NPHP4: variants seen among roughly 807,000 people sequenced by gnomAD.
NPHP4 encodes the protein nephrocystin 4.
NPHP4 carries 151 observed loss-of-function variants against 155.8 expected under a neutral mutation model. The ratio of observed to expected loss-of-function variants is 0.97; its 90% confidence interval spans 0.85 to 1.11. The LOEUF (loss-of-function observed/expected upper bound fraction) is 1.11, where lower values mean the gene tolerates loss of function less well. Among genes scored for constraint, NPHP4 ranks in the 50% least tolerant of loss-of-function variants. The probability of loss-of-function intolerance (pLI) is 0.00; values close to 1 mark genes in which losing one functional copy is unlikely to be tolerated. For synonymous variants in NPHP4, 845 were observed against 816.8 expected (o/e 1.03, Z -0.59); for missense variants, 1,956 against 1,925.7 (o/e 1.02, Z -0.29).
At position 5,952,758 on chromosome 1, in the gene NPHP4, G is replaced by A; in HGVS notation, c.752C>T (p.Ser251Phe). ...CAGCTCTTCCTCAAACTTCTCCAGG[G>A]AGGGGTACAGGGTGAAGAATAAGTC... is the stretch of plus-strand genomic sequence containing the variant. Reference protein sequence around the residue: ...LDDLFFTLYPSLEKFEEELLE... With the variant: ...LDDLFFTLYPFLEKFEEELLE... Residue 251 changes from serine to phenylalanine, a missense_variant, in exon 7 of 30, where the codon TCC (serine) becomes TTC (phenylalanine). Ser to Phe is a radical substitution (Grantham distance 155, BLOSUM62 -2). Coordinates refer to ENST00000378156, the MANE Select transcript of NPHP4 (RefSeq NM_015102.5). The A allele has an allele frequency of 1.3e-6, 2 of 1,576,034 alleles. No individual in the cohort carries two copies. The highest frequency in any genetic ancestry group is 1.7e-6 in the Non-Finnish European group (2 of 1,160,528).
chr1:5,955,277 C>G (rs897691608), intron 6 of NPHP4, among the ~76,000 whole-genome samples: 1 of 152,150 alleles, frequency 6.6e-6, no homozygotes, highest in Admixed American at 6.5e-5. Flanking sequence ...CTATACAATA[C>G]GGGTGGGACT....
chr1:5,985,304 G>A (rs1655305755), intron 2 of NPHP4, among the ~76,000 whole-genome samples: 1 of 152,234 alleles, frequency 6.6e-6, no homozygotes, highest in African/African-American at 2.4e-5. Context: ...CCGGCCACTG[G>A]GCCTCACGAG....
intron 18 of NPHP4, 166 bp downstream of exon 18, chr1:5,887,120 C>T: frequency 3.1e-6 from 2 of 650,516 alleles, no homozygotes; most frequent in Non-Finnish European, 5.3e-6. Context: ...CCAGGACAGA[C>T]TCAGCGGCCA....
At position 5,909,133 on chromosome 1, in the gene NPHP4, G is replaced by A. The variant is rs368115025; in HGVS notation, c.1503+19C>T. On this transcript the variant is annotated intron_variant, in intron 12 of 29. Coordinates refer to ENST00000378156, the MANE Select transcript of NPHP4 (RefSeq NM_015102.5). ...TGACTCTGGAATTCTGAAGGAGGCC[G>A]TGGGGGGCCTGGACTTACCCCTGGT... 142 of 1,577,046 alleles carry A rather than the reference G, an allele frequency of 9.0e-5. 1 individual carries two copies. The East Asian group carries it at 9.6e-4, about 11-fold the overall frequency.
At chr1:5,961,186 G>A (rs546229244) in intron 6 of NPHP4, among the ~76,000 whole-genome samples, 2 of 152,300 alleles carry the variant, frequency 1.3e-5, no homozygotes, top group African/African-American at 2.4e-5. Context: ...AGTCCTATGA[G>A]GTCCCTAGAG....
At chr1:5,925,769 C>T (rs1360633973) in intron 11 of NPHP4, among the ~76,000 whole-genome samples, 1 of 152,148 alleles carries the variant, frequency 6.6e-6, no homozygotes, top group African/African-American at 2.4e-5. Context: ...GCGCCCGCCA[C>T]CACATCCAGC....
rs116416223 is a variant in NPHP4 at position 5,977,231 on chromosome 1, T to C, written c.279+1039A>G. On this transcript the variant is annotated intron_variant, in intron 3 of 29. Coordinates refer to ENST00000378156, the MANE Select transcript of NPHP4 (RefSeq NM_015102.5). Reference sequence around the variant, plus strand: ...CGTCAGCGTCCCTAAGAAGACCCTGTAGGACCCAGCCAGAAGGCACGACGG... The same window carrying C: ...CGTCAGCGTCCCTAAGAAGACCCTGCAGGACCCAGCCAGAAGGCACGACGG... Among the ~76,000 whole-genome samples the C allele has an allele frequency of 3.4e-3, 519 of 152,104 alleles. 4 individuals carry two copies. Among genetic ancestry groups the C allele is most frequent in the African/African-American group, 0.012 (497 of 41,480 alleles).
intron 16 of NPHP4, among the ~76,000 whole-genome samples, chr1:5,894,150 C>T (rs1644279657): frequency 6.6e-6 from 1 of 152,188 alleles, no homozygotes; most frequent in South Asian, 2.1e-4. Flanking sequence ...GCCTCAGCAC[C>T]TGGTTGGCTT....
chr1:5,970,719 T>G (rs954928648), intron 3 of NPHP4, among the ~76,000 whole-genome samples: 3 of 152,022 alleles, frequency 2.0e-5, no homozygotes, highest in Non-Finnish European at 2.9e-5. Context: ...CCGAGGCTGG[T>G]CTTCCGCTCT....
chr1:5,937,580 AATGCACAGT>A (rs1321790277), intron 9 of NPHP4, among the ~76,000 whole-genome samples: 23 of 151,978 alleles, frequency 1.5e-4, no homozygotes, highest in Non-Finnish European at 2.8e-4. Flanking sequence ...AGGAACTGGG[AATGCACAGT>A]GAAGGGGATG....
chr1:5,904,744 G>C lies in NPHP4; in HGVS notation c.2016C>G (p.Phe672Leu). The change falls in exon 16 of 30, where the codon TTC (phenylalanine) becomes TTG (leucine). Residue 672 changes from phenylalanine (F) to leucine (L), a missense_variant. By Grantham distance (22) the Phe-to-Leu change is conservative. Transcript: ENST00000378156. ...GCGTCGTTGCGGGTGGGAAGCGGTA[G>C]AACTGGAAGGTGAAATACACAGTCT... is the stretch of plus-strand genomic sequence containing the variant. ...WPKTVYFTFQ[F>L]YRFPPATTPR... The C allele has an allele frequency of 1.2e-6, 2 of 1,614,012 alleles. No individual in the cohort carries two copies. Among genetic ancestry groups the C allele is most frequent in the Non-Finnish European group, 8.5e-7 (1 of 1,179,888 alleles).
intron 16 of NPHP4, among the ~76,000 whole-genome samples, chr1:5,899,696 T>C (rs1410962656): frequency 1.3e-5 from 2 of 152,152 alleles, no homozygotes; most frequent in Admixed American, 1.3e-4. Context: ...CTAGGTGACC[T>C]CAGAGATGGC....
At chr1:5,976,160 T>C (rs1653526849) in intron 3 of NPHP4, among the ~76,000 whole-genome samples, 1 of 152,006 alleles carries the variant, frequency 6.6e-6, no homozygotes, top group Admixed American at 6.6e-5. Context: ...GGTGGAGCCG[T>C]CAGATGCACA....
At chr1:5,942,089 G>A (rs1033307554) in intron 9 of NPHP4, among the ~76,000 whole-genome samples, 1 of 152,080 alleles carries the variant, frequency 6.6e-6, no homozygotes, top group Non-Finnish European at 1.5e-5. Context: ...AACCAACCTC[G>A]CCCAGGATGA....
Position 5,863,145 on chromosome 1 carries a change from T to G in NPHP4, c.*120A>C. 2 of 1,081,550 alleles carry G rather than the reference T, an allele frequency of 1.8e-6. No individual in the cohort carries two copies. Among genetic ancestry groups the G allele is most frequent in the African/African-American group, 3.1e-5 (2 of 64,980 alleles). The allele number at this position is 1,081,550 out of a possible 1,614,324, so 67.0% of individuals were successfully genotyped here. A position where few individuals can be genotyped will look rare whatever the true frequency, so the allele number is the denominator to read the frequency against. ...CTGCTTCCTCAGCCAAGTGCACAGG[T>G]CAGCCAGGTGGGCACTGAAGTGAAA... On this transcript the variant is annotated 3_prime_UTR_variant, in exon 30 of 30. Transcript: ENST00000378156.
In NPHP4 at chr1:5,913,375, T is replaced by TA. The variant is rs1173132368; in HGVS notation, c.1442-4163dup. Among the ~76,000 whole-genome samples, 18 of 152,274 alleles carry TA rather than the reference T, an allele frequency of 1.2e-4. No individual in the cohort carries two copies. The East Asian group carries it at 2.7e-3, about 23-fold the overall frequency. ...GGATTGCTAGAGACAAAGAAAAACT[T>TA]AGACTTCCCACCACGGCAGGTTTCT... On this transcript the variant is annotated intron_variant, in intron 11 of 29. Coordinates refer to ENST00000378156, the MANE Select transcript of NPHP4 (RefSeq NM_015102.5).
chr1:5,905,549 T>A lies in NPHP4; in HGVS notation c.1764-66A>T. 3 of 1,600,342 alleles carry A rather than the reference T, an allele frequency of 1.9e-6. No individual in the cohort carries two copies. The highest frequency in any genetic ancestry group is 2.6e-6 in the Non-Finnish European group (3 of 1,169,636). On this transcript the variant is annotated intron_variant, in intron 14 of 29. Transcript: ENST00000378156. The surrounding 1 kb of genome is among the most constrained non-coding windows in gnomAD (Gnocchi z 4.0). ...GGGGACCCATTGATGCACCTCCCTG[T>A]GGAAACCCTGGGGTTCACAAGGTCC... is the stretch of plus-strand genomic sequence containing the variant.
At chr1:5,947,024 A>G (rs1647136777) in intron 9 of NPHP4, 80 bp downstream of exon 9, 2 of 1,456,658 alleles carry the variant, frequency 1.4e-6, no homozygotes, top group African/African-American at 2.8e-5. Flanking sequence ...TAATGGAAAA[A>G]GCATTCATGC....
chr1:5,959,362 A>G (rs1394581559), intron 6 of NPHP4, among the ~76,000 whole-genome samples: 1 of 152,256 alleles, frequency 6.6e-6, no homozygotes, highest in African/African-American at 2.4e-5. Context: ...AATGAGGAGC[A>G]GGAATCATGC....
Sources: allele counts gnomAD v4.1 joint callset (sites outside exome capture counted in the v4.1 genomes callset), GRCh38; gene constraint gnomAD v4.1.1; non-coding constraint Gnocchi (gnomAD v3.1); transcripts MANE v1.5; gene names NCBI Gene and HGNC (gene_info 2026-07-23, HGNC 2026-07-21).